MYO10: variants seen among roughly 807,000 people sequenced by gnomAD.
The protein encoded by MYO10 is myosin X.
A neutral mutation model predicts 257.3 loss-of-function variants in MYO10; 133 were observed. The observed-to-expected ratio is 0.52, with a 90% CI of 0.45 to 0.60. MYO10 has a LOEUF of 0.60. Among genes scored for constraint, MYO10 ranks in the 20% least tolerant of loss-of-function variants. The pLI, the probability that MYO10 is intolerant of heterozygous loss-of-function variation, is 0.00. For missense variants in MYO10, 2,399 were observed against 2,635.7 expected, an observed-to-expected ratio of 0.91 and a Z score of 1.97; for synonymous variants, 1,104 against 1,028.6, an observed-to-expected ratio of 1.07 and a Z score of -1.40.
chr5:16,720,118 C>T (rs548375715), intron 19 of MYO10, among the ~76,000 whole-genome samples: 32 of 152,174 alleles, frequency 2.1e-4, no homozygotes, highest in Admixed American at 1.7e-3. Flanking sequence ...AGTCCCTGCT[C>T]TGCCCTGACA....
chr5:16,701,550 C>T lies in MYO10; in HGVS notation c.2845G>A (p.Glu949Lys), dbSNP rs774768163. 116 of 1,613,832 alleles carry T rather than the reference C, an allele frequency of 7.2e-5. No individual in the cohort carries two copies. In the East Asian group the frequency reaches 2.4e-3, roughly 33 times the overall value. ...ATATTCCGGACACACTCGTCGATCT[C>T]GTCGAAATTGAGGGACTCGAGGAAC... ...QEFLESLNFD[E>K]IDECVRNIER... is the part of the protein sequence containing the mutation. The change falls in exon 25 of 41, where the codon GAG (glutamate) becomes AAG (lysine). Residue 949 changes from glutamate (E) to lysine (K), a missense_variant. Physicochemically the swap from Glu to Lys is moderately conservative, Grantham distance 56 (BLOSUM62 1). Around this residue, in one of 3 missense-constraint regions of MYO10, gnomAD observed 1,820 missense variants for 1,939.4 expected, o/e 0.94. Transcript: ENST00000513610. This position sits in a 1 kb window ranked among gnomAD's most constrained non-coding sequence, Gnocchi z 8.1.
chr5:16,782,920 C>T (rs925656144), intron 5 of MYO10, among the ~76,000 whole-genome samples: 42 of 152,210 alleles, frequency 2.8e-4, no homozygotes, highest in African/African-American at 9.9e-4. Flanking sequence ...CTCGTCTCCA[C>T]GCTAAGCCCC....
chr5:16,797,412 A>C (rs1399852641), intron 3 of MYO10, among the ~76,000 whole-genome samples: 1 of 152,220 alleles, frequency 6.6e-6, no homozygotes, highest in East Asian at 1.9e-4. Flanking sequence ...TATGAAGCAA[A>C]AGATTTAAAA....
At chr5:16,703,314 T>C (rs1213025048) in intron 22 of MYO10, among the ~76,000 whole-genome samples, 156 bp from the exon 23 acceptor site, 1 of 152,056 alleles carries the variant, frequency 6.6e-6, no homozygotes, top group East Asian at 1.9e-4. Context: ...GCCCCTTTGG[T>C]CAAAACAAAA....
chr5:16,738,263 G>A, intron 19 of MYO10: 3 of 985,432 alleles, frequency 3.0e-6, no homozygotes, highest in Non-Finnish European at 3.6e-6. Flanking sequence ...GGTGGTCAGA[G>A]AGGTGTCAGG....
intron 1 of MYO10, chr5:16,916,589 G>A (rs1236298475): frequency 6.3e-6 from 1 of 157,596 alleles, no homozygotes; most frequent in Non-Finnish European, 1.4e-5. Flanking sequence ...TTTGATGAGA[G>A]CAGCAAGGGT....
chr5:16,764,852 T>A (rs1740819435), intron 11 of MYO10, among the ~76,000 whole-genome samples: 1 of 151,890 alleles, frequency 6.6e-6, no homozygotes, highest in Non-Finnish European at 1.5e-5. Flanking sequence ...CCACACCTGG[T>A]TAATTTTTCT....
intron 1 of MYO10, among the ~76,000 whole-genome samples, chr5:16,930,821 G>A (rs973731059): frequency 7.9e-5 from 12 of 152,206 alleles, no homozygotes; most frequent in African/African-American, 2.9e-4. Context: ...TGCTAAGATA[G>A]GATGCTCTGC....
At chr5:16,751,214 C>T (rs1309826332) in intron 19 of MYO10, among the ~76,000 whole-genome samples, 2 of 151,954 alleles carry the variant, frequency 1.3e-5, no homozygotes, top group African/African-American at 2.4e-5. Flanking sequence ...AGGAAGAAGG[C>T]AAGATTTTTC....
At chr5:16,671,913 T>C (rs1736482029) in intron 37 of MYO10, among the ~76,000 whole-genome samples, 2 of 152,178 alleles carry the variant, frequency 1.3e-5, no homozygotes, top group African/African-American at 2.4e-5. Flanking sequence ...TAAAAATTGA[T>C]GTGAATACTC....
chr5:16,909,721 C>T (rs775481670), intron 1 of MYO10, among the ~76,000 whole-genome samples: 1 of 152,034 alleles, frequency 6.6e-6, no homozygotes, highest in Non-Finnish European at 1.5e-5. Context: ...CCTACCAAGT[C>T]GCATGTTGAC....
At position 16,810,104 on chromosome 5, in the gene MYO10, C is replaced by A. The variant is rs76035406; in HGVS notation, c.279+7905G>T. Among the ~76,000 whole-genome samples the A allele has an allele frequency of 3.0e-4, 45 of 152,296 alleles. No homozygotes were observed. In the East Asian group the frequency reaches 4.8e-3, roughly 16 times the overall value. ...GCCACTGAGCTTGCCTTCGGTGCAA[C>A]AGAAACCTCTCCTGCTCTTGTCAAC... On this transcript the variant is annotated intron_variant, in intron 3 of 40. Coordinates refer to ENST00000513610, the MANE Select transcript of MYO10 (RefSeq NM_012334.3).
intron 1 of MYO10, among the ~76,000 whole-genome samples, chr5:16,931,061 C>T (rs1561066552): frequency 2.0e-5 from 3 of 152,222 alleles, no homozygotes; most frequent in South Asian, 4.2e-4. Context: ...CACCTGAGGT[C>T]GGGAGTTCGA....
rs60073672 is a variant in MYO10, at chr5:16,797,818, A to C, written c.280-2985T>G. Among the ~76,000 whole-genome samples, 1,075 of 152,342 alleles carry C rather than the reference A, an allele frequency of 7.1e-3. 10 individuals carry two copies. Among genetic ancestry groups the C allele is most frequent in the African/African-American group, 0.025 (1,031 of 41,584 alleles). On this transcript the variant is annotated intron_variant, in intron 3 of 40. Transcript: ENST00000513610. The stretch of plus-strand genomic sequence containing the variant: ...ACTGCTTCACTGGTACAGGGTTTCC[A>C]CCTAAGGTGATAAAAATATTGTAGA...
At chr5:16,844,555 T>C (rs1030285084) in intron 2 of MYO10, among the ~76,000 whole-genome samples, 10 of 152,138 alleles carry the variant, frequency 6.6e-5, no homozygotes, top group African/African-American at 2.4e-4. Flanking sequence ...AACTGAATGG[T>C]TGCTTTTTGA....
chr5:16,728,117 C>T (rs189655677), intron 19 of MYO10, among the ~76,000 whole-genome samples: 5 of 152,304 alleles, frequency 3.3e-5, no homozygotes, highest in South Asian at 2.1e-4. Context: ...GGCCGCCCTC[C>T]GCCATGGCTT....
rs1267486589 is a variant in MYO10 at position 16,737,739 on chromosome 5, AGAGAG to A, written c.1929+17084_1929+17088del. 2.6e-5 allele frequency among the ~76,000 whole-genome samples: 4 copies of A among 152,266 alleles called. No homozygotes were observed. In the East Asian group the frequency reaches 7.7e-4, roughly 29 times the overall value. On this transcript the variant is annotated intron_variant, in intron 19 of 40. Coordinates refer to ENST00000513610, the MANE Select transcript of MYO10 (RefSeq NM_012334.3). ...CACCCGGGAAAGTCTGGAGACGTTG[AGAGAG>A]GAGAGTGTTACTAGCGTCTAGCAGG...
At chr5:16,840,123 A>G (rs1423221251) in intron 2 of MYO10, among the ~76,000 whole-genome samples, 1 of 152,144 alleles carries the variant, frequency 6.6e-6, no homozygotes, top group African/African-American at 2.4e-5. Flanking sequence ...AATTTAAAAG[A>G]AAGAACAGGC....
chr5:16,745,080 C>T (rs528312678), intron 19 of MYO10, among the ~76,000 whole-genome samples: 2 of 152,206 alleles, frequency 1.3e-5, no homozygotes, highest in African/African-American at 2.4e-5. Flanking sequence ...TAGCTCACGC[C>T]GGTAATCCCA....
Sources: gnomAD v4.1 joint callset for allele counts (sites outside exome capture counted in the v4.1 genomes callset) on GRCh38, gnomAD v4.1.1 for gene constraint, gnomAD v4.1.1 regional missense constraint, Gnocchi (gnomAD v3.1) non-coding constraint, MANE v1.5 for transcripts, NCBI Gene and HGNC (gene_info 2026-07-23, HGNC 2026-07-21) for gene names.